Variants in TTLL5 observed in about 807,000 individuals in gnomAD.
TTLL5 encodes the protein tubulin polyglutamylase TTLL5.
A neutral mutation model predicts 168.4 loss-of-function variants in TTLL5; 132 were observed. The observed-to-expected ratio is 0.78, with a 90% confidence interval of 0.68 to 0.91. The LOEUF is 0.91. TTLL5 is among the 40% of genes least tolerant of loss of function. The pLI, the probability that TTLL5 is intolerant of heterozygous loss-of-function variation, is 0.00. For synonymous variants in TTLL5, 546 were observed against 558.6 expected, an observed-to-expected ratio of 0.98 and a Z score of 0.32; for missense variants, 1,545 against 1,581.5, an observed-to-expected ratio of 0.98 and a Z score of 0.39.
chr14:75,740,003 G>A (rs1889150917), intron 15 of TTLL5, among the ~76,000 whole-genome samples: 1 of 152,142 alleles, frequency 6.6e-6, no homozygotes, highest in Non-Finnish European at 1.5e-5. Context: ...ATAATGCTTA[G>A]TTAATACCCA....
intron 9 of TTLL5, 118 bp from the exon 10 acceptor site, chr14:75,717,743 T>C (rs967099014): frequency 5.7e-6 from 5 of 883,000 alleles, no homozygotes; most frequent in African/African-American, 1.7e-5. Flanking sequence ...AGTAGGCACT[T>C]GGTATTTGTT....
At chr14:75,783,943 G>A (rs577796874) in intron 26 of TTLL5, among the ~76,000 whole-genome samples, 1 of 152,114 alleles carries the variant, frequency 6.6e-6, no homozygotes, top group Non-Finnish European at 1.5e-5. Flanking sequence ...TCTTAGAATA[G>A]GTTATATCAT....
At chr14:75,890,539 AT>A (rs1303895497) in intron 30 of TTLL5, among the ~76,000 whole-genome samples, 1 of 152,314 alleles carries the variant, frequency 6.6e-6, no homozygotes, top group African/African-American at 2.4e-5. Context: ...ATTTTGAAAA[AT>A]ATCAAGTATA....
chr14:75,681,764 T>C lies in TTLL5; in HGVS notation c.264+137T>C, dbSNP rs1028637048. On this transcript the variant is annotated intron_variant, in intron 4 of 31. Transcript: ENST00000298832. ...GCTTAGTGGTGGTCCAGAACTCAGA[T>C]TGAATTTTGGAGTGGCTTTACCAGT... The C allele has an allele frequency of 3.0e-5, 20 of 667,344 alleles. No homozygotes were observed. In the African/African-American group the frequency reaches 3.2e-4, roughly 11 times the overall value. The allele number at this position is 667,344 out of a possible 1,614,324, so 41.3% of individuals were successfully genotyped here. A position where few individuals can be genotyped will look rare whatever the true frequency, so the allele number is the denominator to read the frequency against.
chr14:75,709,065 G>A, intron 9 of TTLL5: 1 of 654,662 alleles, frequency 1.5e-6, no homozygotes, highest in East Asian at 2.7e-5. Context: ...CAGCCTGTGG[G>A]CCTCAGGTTG....
chr14:75,870,495 G>A (rs1331199798), intron 29 of TTLL5, among the ~76,000 whole-genome samples: 1 of 152,068 alleles, frequency 6.6e-6, no homozygotes, highest in Non-Finnish European at 1.5e-5. Context: ...ACCCTCCCTT[G>A]TACTTTTATT....
chr14:75,705,621 G>A (rs1886599693), intron 7 of TTLL5, among the ~76,000 whole-genome samples: 1 of 152,160 alleles, frequency 6.6e-6, no homozygotes, highest in South Asian at 2.1e-4. Flanking sequence ...GCCTCATGGG[G>A]TTGGGTGAGG....
At chr14:75,693,448 C>T (rs934746333) in intron 6 of TTLL5, among the ~76,000 whole-genome samples, 13 of 152,148 alleles carry the variant, frequency 8.5e-5, no homozygotes, top group African/African-American at 3.1e-4. Context: ...AAAGATATAG[C>T]CTAGAGACTA....
intron 29 of TTLL5, 107 bp from the exon 30 acceptor site, chr14:75,882,578 T>C: frequency 1.0e-6 from 1 of 996,864 alleles, no homozygotes; most frequent in South Asian, 1.8e-5. Flanking sequence ...AAATTAACAG[T>C]TGTCCTTTTC....
intron 28 of TTLL5, among the ~76,000 whole-genome samples, chr14:75,855,190 ATGTCAGTTT>A (rs1286784648): frequency 6.6e-6 from 1 of 151,642 alleles, no homozygotes; most frequent in Non-Finnish European, 1.5e-5. Context: ...AAAAATCAAC[ATGTCAGTTT>A]CTTCAACAAC....
intron 29 of TTLL5, among the ~76,000 whole-genome samples, chr14:75,875,227 G>T (rs117971866): frequency 0.014 from 2,029 of 148,918 alleles, 37 homozygotes; most frequent in African/African-American, 0.043. Context: ...GCCACTGCGC[G>T]CGGCCTATAT....
intron 7 of TTLL5, 124 bp downstream of exon 7, chr14:75,699,394 C>A: frequency 1.1e-6 from 1 of 875,958 alleles, no homozygotes; most frequent in South Asian, 1.5e-5. Context: ...AATCTGCATT[C>A]AGAAGTGAGT....
chr14:75,808,589 C>T (rs1273218511), intron 27 of TTLL5, among the ~76,000 whole-genome samples: 4 of 152,032 alleles, frequency 2.6e-5, no homozygotes, highest in African/African-American at 9.7e-5. Context: ...GCAGATCTGG[C>T]ACTTTTGGTT....
At chr14:75,695,447 T>C (rs543769185) in intron 6 of TTLL5, among the ~76,000 whole-genome samples, 5 of 152,296 alleles carry the variant, frequency 3.3e-5, no homozygotes, top group African/African-American at 1.2e-4. Context: ...CCATTTGCCT[T>C]GTGATATTTT....
chr14:75,677,390 C>CTTTTTTT (rs11349214), intron 3 of TTLL5, among the ~76,000 whole-genome samples: 2 of 78,320 alleles, frequency 2.6e-5, no homozygotes, highest in African/African-American at 4.5e-5. Context: ...CTCTCTCTCT[C>CTTTTTTT]TTTTTTTTTT....
At position 75,744,841 on chromosome 14, in the gene TTLL5, C is replaced by G. The variant is rs537649469; in HGVS notation, c.1282-254C>G. ...CTTAGAAAGTCACGTGGACCTCATT[C>G]TTTCTTTCTTCTCTTTTCTCTCTCA... On this transcript the variant is annotated intron_variant, in intron 15 of 31. Coordinates refer to ENST00000298832, the MANE Select transcript of TTLL5 (RefSeq NM_015072.5). 4 of 259,708 alleles carry G rather than the reference C, an allele frequency of 1.5e-5. No individual in the cohort carries two copies. The South Asian group carries it at 3.4e-4, about 22-fold the overall frequency. 16.1% of individuals were successfully genotyped at this position (259,708 alleles called of 1,614,324 possible).
chr14:75,937,140 C>CA (rs1332196759), intron 31 of TTLL5, among the ~76,000 whole-genome samples: 1 of 145,078 alleles, frequency 6.9e-6, no homozygotes, highest in African/African-American at 2.6e-5. Flanking sequence ...TTTTTTAAGT[C>CA]AGAGTCTTGC....
intron 7 of TTLL5, 22 bp from the exon 8 acceptor site, chr14:75,706,996 A>G (rs1886706258): frequency 1.9e-6 from 3 of 1,586,994 alleles, no homozygotes; most frequent in South Asian, 1.1e-5. Context: ...CTATTCTTTC[A>G]TTCTTTCTCT....
intron 31 of TTLL5, among the ~76,000 whole-genome samples, chr14:75,945,296 C>G (rs1438315026): frequency 6.6e-6 from 1 of 150,514 alleles, no homozygotes; most frequent in East Asian, 1.9e-4. Flanking sequence ...CTTGCTCTGT[C>G]CCCAGGCTGG....
Sources: allele counts gnomAD v4.1 joint callset (sites outside exome capture counted in the v4.1 genomes callset), GRCh38; gene constraint gnomAD v4.1.1; transcripts MANE v1.5; gene names NCBI Gene and HGNC (gene_info 2026-07-23, HGNC 2026-07-21).